PDGFRA: variants seen among roughly 807,000 people sequenced by gnomAD.
The protein encoded by PDGFRA is platelet-derived growth factor receptor alpha.
PDGFRA carries 25 observed loss-of-function variants against 121.5 expected under a neutral mutation model. The ratio of observed to expected loss-of-function variants is 0.21; its 90% CI spans 0.15 to 0.29. PDGFRA has a LOEUF of 0.29. Ranked by LOEUF, PDGFRA falls within the 10% of genes least tolerant of loss-of-function variation. The pLI, the probability that PDGFRA is intolerant of heterozygous loss-of-function variation, is 1.00. For synonymous variants in PDGFRA, 463 were observed against 494.8 expected, an observed-to-expected ratio of 0.94 and a Z score of 0.85; for missense variants, 1,008 against 1,345.1, an observed-to-expected ratio of 0.75 and a Z score of 3.92.
At position 54,287,561 on chromosome 4, in the gene PDGFRA, G is replaced by A. The variant is rs2110341990; in HGVS notation, c.2674+20G>A. On this transcript the variant is annotated intron_variant, in intron 19 of 22. Transcript: ENST00000257290. Reference sequence around the variant, plus strand: ...CCCTTGGTATGGGCCTGACATTGCTGCTTATTTGGGCTGTTCTGAAACACC... The same window carrying A: ...CCCTTGGTATGGGCCTGACATTGCTACTTATTTGGGCTGTTCTGAAACACC... 1.1e-6 allele frequency: 1 copy of A among 913,550 alleles called. No individual in the cohort carries two copies. The highest frequency in any genetic ancestry group is 1.9e-6 in the Non-Finnish European group (1 of 539,242). The allele number at this position is 913,550 out of a possible 1,614,324, so 56.6% of individuals were successfully genotyped here. A position where few individuals can be genotyped will look rare whatever the true frequency, so the allele number is the denominator to read the frequency against.
At chr4:54,265,191 T>C in intron 5 of PDGFRA, 142 bp downstream of exon 5, 1 of 769,488 alleles carries the variant, frequency 1.3e-6, no homozygotes, top group Non-Finnish European at 2.3e-6. Context: ...TGAACACATT[T>C]GATTAAATGG....
chr4:54,240,131 G>GC (rs1391463227), intron 1 of PDGFRA: 1 of 320,568 alleles, frequency 3.1e-6, no homozygotes. Flanking sequence ...GGGATTATAG[G>GC]TGTGAGCCAC....
rs1553902944 is a variant in PDGFRA, at chr4:54,265,008, A to C, written c.718A>C (p.Asn240His). The C allele has an allele frequency of 1.2e-6, 2 of 1,613,806 alleles. No homozygotes were observed. Among genetic ancestry groups the C allele is most frequent in the Non-Finnish European group, 1.7e-6 (2 of 1,179,740 alleles). ...TGTGGTCACCTGTGCTGTTTTTAAC[A>C]ATGAGGTGGTTGACCTTCAATGGAC... ...TIVVTCAVFN[N>H]EVVDLQWTYP... Residue 240 changes from asparagine to histidine, a missense_variant, in exon 5 of 23, where the codon AAT becomes CAT. Asn to His is a moderately conservative substitution (Grantham distance 68). This residue lies in a region of PDGFRA where 575 missense variants were observed against 701.8 expected (regional missense o/e 0.82). Transcript: ENST00000257290.
At chr4:54,236,585 C>T (rs1245823083) in intron 1 of PDGFRA, among the ~76,000 whole-genome samples, 2 of 152,160 alleles carry the variant, frequency 1.3e-5, no homozygotes, top group South Asian at 4.1e-4. Context: ...GGGTGAATCA[C>T]GAGGTCAGGA....
intron 1 of PDGFRA, among the ~76,000 whole-genome samples, chr4:54,233,141 C>T (rs1720790388): frequency 6.6e-6 from 1 of 151,528 alleles, no homozygotes; most frequent in South Asian, 2.1e-4. Flanking sequence ...GCCTGGGGCG[C>T]AGCGGCCTCT....
At chr4:54,243,823 G>A (rs907560536) in intron 1 of PDGFRA, among the ~76,000 whole-genome samples, 14 of 152,224 alleles carry the variant, frequency 9.2e-5, no homozygotes, top group African/African-American at 3.4e-4. Context: ...AAAGAAAGGG[G>A]TGACAGACGG....
chr4:54,295,260 C>G lies in PDGFRA; in HGVS notation c.3258C>G (p.Asp1086Glu), dbSNP rs1205738556. The stretch of plus-strand genomic sequence containing the variant: ...TAGACTCTTCAGACCTGGTGGAAGA[C>G]AGCTTCCTGTAACTGGCGGATTCGA... ...IGIDSSDLVE[D>E]SFL The change falls in exon 23 of 23, where the codon GAC becomes GAG. Residue 1086 changes from aspartate to glutamate, a missense_variant. Physicochemically the swap from Asp to Glu is conservative, Grantham distance 45. Coordinates refer to ENST00000257290, the MANE Select transcript of PDGFRA (RefSeq NM_006206.6). 6.2e-7 allele frequency: 1 copy of G among 1,614,110 alleles called. No individual in the cohort carries two copies. Among genetic ancestry groups the G allele is most frequent in the Non-Finnish European group, 8.5e-7 (1 of 1,179,982 alleles).
At position 54,261,389 on chromosome 4, in the gene PDGFRA, G is replaced by A; in HGVS notation, c.344G>A (p.Arg115Lys). The A allele has an allele frequency of 6.2e-7, 1 of 1,614,030 alleles. No individual in the cohort carries two copies. The highest frequency in any genetic ancestry group is 8.5e-7 in the Non-Finnish European group (1 of 1,179,958). ...TQTEENELEG[R>K]HIYIYVPDPD... ...ACAGAAGAGAATGAGCTTGAAGGCA[G>A]GCACATTTACATCTATGTGCCAGGT... The change falls in exon 3 of 23, where the codon AGG becomes AAG. Residue 115 changes from arginine (R) to lysine (K), a missense_variant. Arg to Lys is a conservative substitution (Grantham distance 26, BLOSUM62 2). Around this residue, in one of 5 missense-constraint regions of PDGFRA, gnomAD observed 575 missense variants for 701.8 expected, o/e 0.82. Transcript: ENST00000257290.
chr4:54,229,640 A>T (rs1450994472), intron 1 of PDGFRA, among the ~76,000 whole-genome samples: 1 of 151,728 alleles, frequency 6.6e-6, no homozygotes, highest in African/African-American at 2.4e-5. Context: ...TATTTTTTTT[A>T]AACACACATT....
At chr4:54,265,346 C>A in intron 5 of PDGFRA, 1 of 354,816 alleles carries the variant, frequency 2.8e-6, no homozygotes, top group Non-Finnish European at 5.4e-6. Flanking sequence ...AAGATATCAA[C>A]CAAAAAATTA....
chr4:54,271,311 A>G (rs1310306047), intron 8 of PDGFRA, among the ~76,000 whole-genome samples: 2 of 152,210 alleles, frequency 1.3e-5, no homozygotes, highest in African/African-American at 4.8e-5. Flanking sequence ...AGGTGCGCTC[A>G]TGTGATCCTC....
chr4:54,296,466 C>T lies in PDGFRA; in HGVS notation c.*1194C>T. Reference sequence around the variant, plus strand: ...ACCTGAAAAGGGTCAGAAGGATGCCCAGACATCAGCCTCCTTCTTTCACCC... The same window carrying T: ...ACCTGAAAAGGGTCAGAAGGATGCCTAGACATCAGCCTCCTTCTTTCACCC... On this transcript the variant is annotated 3_prime_UTR_variant, in exon 23 of 23. Transcript: ENST00000257290. The T allele has an allele frequency of 4.4e-6, 1 of 227,004 alleles. No homozygotes were observed. Among genetic ancestry groups the T allele is most frequent in the Non-Finnish European group, 8.7e-6 (1 of 114,312 alleles). The allele number at this position is 227,004 out of a possible 1,614,324, so 14.1% of individuals were successfully genotyped here. A position where few individuals can be genotyped will look rare whatever the true frequency, so the allele number is the denominator to read the frequency against.
chr4:54,247,159 A>G (rs368559228), intron 1 of PDGFRA, among the ~76,000 whole-genome samples: 3 of 152,210 alleles, frequency 2.0e-5, no homozygotes, highest in East Asian at 1.9e-4. Flanking sequence ...AACTGGTACC[A>G]TTCCTTCTGA....
In PDGFRA at chr4:54,295,922, A is replaced by G; in HGVS notation, c.*650A>G. ...ACAACTCATTTTCATATTGTAATCT[A>G]TGTTTATAATACTACTACTGTTATC... On this transcript the variant is annotated 3_prime_UTR_variant, in exon 23 of 23. Transcript: ENST00000257290. The G allele has an allele frequency of 4.3e-6, 1 of 234,166 alleles. No individual in the cohort carries two copies. The highest frequency in any genetic ancestry group is 8.4e-6 in the Non-Finnish European group (1 of 118,596). 14.5% of individuals were successfully genotyped at this position (234,166 alleles called of 1,614,324 possible). A position where few individuals can be genotyped will look rare whatever the true frequency, so the allele number is the denominator to read the frequency against.
chr4:54,279,543 T>C (rs866846378), intron 15 of PDGFRA, among the ~76,000 whole-genome samples: 19 of 152,214 alleles, frequency 1.2e-4, no homozygotes, highest in African/African-American at 4.3e-4. Context: ...TTTCTTTTTT[T>C]CCCTATTTAA....
chr4:54,255,579 C>T (rs1263611073), intron 1 of PDGFRA, among the ~76,000 whole-genome samples: 5 of 150,474 alleles, frequency 3.3e-5, no homozygotes, highest in African/African-American at 1.2e-4. Context: ...GATCTTGGCT[C>T]ACTGCAAGCT....
At chr4:54,269,464 G>A (rs1723206553) in intron 7 of PDGFRA, among the ~76,000 whole-genome samples, 2 of 150,340 alleles carry the variant, frequency 1.3e-5, no homozygotes, top group African/African-American at 2.5e-5. Flanking sequence ...GATTTATAAA[G>A]GACAATCAAA....
Position 54,297,768 on chromosome 4 carries a change from A to G in PDGFRA, c.*2496A>G, listed in dbSNP as rs184179322. On this transcript the variant is annotated 3_prime_UTR_variant, in exon 23 of 23. Transcript: ENST00000257290. The stretch of plus-strand genomic sequence containing the variant: ...CCTACTTTCTATTTTTATGATGACA[A>G]TCAAAGCCGGCCTGAGAAACACTAT... 4.5e-4 allele frequency: 106 copies of G among 233,640 alleles called. No homozygotes were observed. Among genetic ancestry groups the G allele is most frequent in the Admixed American group, 3.4e-3 (60 of 17,780 alleles). 14.5% of individuals were successfully genotyped at this position (233,640 alleles called of 1,614,324 possible).
At position 54,277,880 on chromosome 4, in the gene PDGFRA, T is replaced by C. The variant is rs756394828; in HGVS notation, c.1892-16T>C. 2 of 1,569,884 alleles carry C rather than the reference T, an allele frequency of 1.3e-6. No individual in the cohort carries two copies. The highest frequency in any genetic ancestry group is 1.8e-6 in the Non-Finnish European group (2 of 1,139,822). On this transcript the variant is annotated splice_polypyrimidine_tract_variant and intron_variant, in intron 13 of 22. Coordinates refer to ENST00000257290, the MANE Select transcript of PDGFRA (RefSeq NM_006206.6). The stretch of plus-strand genomic sequence containing the variant: ...GTAGCTCAGCTGGACTGATATGTGA[T>C]TTATTCTTTCAACAGCCACGGCCAG...
Sources: gnomAD v4.1 joint callset for allele counts (sites outside exome capture counted in the v4.1 genomes callset) on GRCh38, gnomAD v4.1.1 for gene constraint, gnomAD v4.1.1 regional missense constraint, MANE v1.5 for transcripts, NCBI Gene and HGNC (gene_info 2026-07-23, HGNC 2026-07-21) for gene names.